ROR2: variants seen among roughly 807,000 people sequenced by gnomAD.
ROR2 encodes tyrosine-protein kinase transmembrane receptor ROR2.
In ROR2, 33 loss-of-function variants were observed where a neutral mutation model predicts 74.9. That is an observed-to-expected ratio of 0.44 (90% confidence interval 0.33 to 0.59). The LOEUF (loss-of-function observed/expected upper bound fraction) is 0.59. ROR2 is among the 20% of genes least tolerant of loss of function. ROR2 has a pLI of 0.02. For synonymous variants in ROR2, 586 were observed against 558.7 expected (o/e 1.05, Z -0.69); for missense variants, 1,216 against 1,313.8 (o/e 0.93, Z 1.15).
At chr9:91,946,553 C>G (rs570813455) in intron 1 of ROR2, among the ~76,000 whole-genome samples, 2 of 152,354 alleles carry the variant, frequency 1.3e-5, no homozygotes, top group East Asian at 3.9e-4. Context: ...ATCAAGGAAC[C>G]ATTTTAGAAG....
At chr9:91,894,970 A>C (rs1028720844) in intron 1 of ROR2, among the ~76,000 whole-genome samples, 2 of 152,244 alleles carry the variant, frequency 1.3e-5, no homozygotes, top group Non-Finnish European at 2.9e-5. Flanking sequence ...AAAAACCTGC[A>C]CAAGGATATT....
chr9:91,733,355 A>T lies in ROR2; in HGVS notation c.704T>A (p.Val235Glu), dbSNP rs1440251391. 2 of 1,612,244 alleles carry T rather than the reference A, an allele frequency of 1.2e-6. No homozygotes were observed. The highest frequency in any genetic ancestry group is 1.7e-6 in the Non-Finnish European group (2 of 1,179,652). Residue 235 changes from valine (V) to glutamate (E), a missense_variant, in exon 6 of 9, where the codon GTG (valine) becomes GAG (glutamate). Val to Glu is a moderately radical substitution (Grantham distance 121). Coordinates refer to ENST00000375708, the MANE Select transcript of ROR2 (RefSeq NM_004560.4). This position sits in a 1 kb window ranked among gnomAD's most constrained non-coding sequence, Gnocchi z 5.7. Reference sequence around the variant, plus strand: ...GGAGCGCGCGTCGCACAGAGGAAACACGAAGTGGCAGAAGGATGGGATGGC... The same window carrying T: ...GGAGCGCGCGTCGCACAGAGGAAACTCGAAGTGGCAGAAGGATGGGATGGC... ...QFAIPSFCHFVFPLCDARSRT... is the reference protein window; with the variant it reads ...QFAIPSFCHFEFPLCDARSRT...
At chr9:91,831,275 A>AC (rs1218692383) in intron 1 of ROR2, among the ~76,000 whole-genome samples, 9 of 151,074 alleles carry the variant, frequency 6.0e-5, no homozygotes, top group African/African-American at 2.2e-4. Flanking sequence ...AAAAACAAAA[A>AC]AAAAAAATTG....
intron 1 of ROR2, among the ~76,000 whole-genome samples, chr9:91,822,928 G>A (rs1197983240): frequency 6.6e-6 from 1 of 152,180 alleles, no homozygotes; most frequent in Non-Finnish European, 1.5e-5. Flanking sequence ...GGCAGAGAAA[G>A]ACAGTAAGGG....
At chr9:91,939,881 C>T (rs2118041169) in intron 1 of ROR2, among the ~76,000 whole-genome samples, 1 of 152,260 alleles carries the variant, frequency 6.6e-6, no homozygotes, top group South Asian at 2.1e-4. Context: ...AAAGAGGGCT[C>T]CAGAATAAAC....
At chr9:91,903,931 T>C (rs1228565950) in intron 1 of ROR2, among the ~76,000 whole-genome samples, 2 of 152,224 alleles carry the variant, frequency 1.3e-5, no homozygotes, top group African/African-American at 4.8e-5. Flanking sequence ...CTGAAATATT[T>C]TTAAAGGAGA....
chr9:91,896,420 C>T (rs1487693604), intron 1 of ROR2, among the ~76,000 whole-genome samples: 2 of 152,344 alleles, frequency 1.3e-5, no homozygotes, highest in Non-Finnish European at 2.9e-5. Context: ...CCTATTTCTC[C>T]TCACAAGGTG....
intron 1 of ROR2, among the ~76,000 whole-genome samples, chr9:91,908,232 G>A (rs1464876410): frequency 6.6e-6 from 1 of 152,194 alleles, no homozygotes; most frequent in African/African-American, 2.4e-5. Flanking sequence ...AGGGCTCCAA[G>A]GGAGACAATG....
At chr9:91,745,316 G>A (rs1825375472) in intron 4 of ROR2, among the ~76,000 whole-genome samples, 1 of 151,626 alleles carries the variant, frequency 6.6e-6, no homozygotes, top group South Asian at 2.1e-4. Flanking sequence ...GTAGAGACGG[G>A]GTTTCTCCAT....
chr9:91,829,560 A>AAAAAAAAAAAAAAAAAAAAAG, intron 1 of ROR2, among the ~76,000 whole-genome samples: 1 of 150,204 alleles, frequency 6.7e-6, no homozygotes, highest in African/African-American at 2.4e-5. Context: ...AAAAAAAAAA[A>AAAAAAAAAAAAAAAAAAAAAG]AAAAAAAAAA....
chr9:91,804,018 G>A (rs951878430), intron 1 of ROR2, among the ~76,000 whole-genome samples: 12 of 152,160 alleles, frequency 7.9e-5, no homozygotes, highest in Admixed American at 6.5e-4. Flanking sequence ...AATTTGCTAT[G>A]ACCCTAAAAT....
intron 1 of ROR2, among the ~76,000 whole-genome samples, chr9:91,886,101 C>G (rs1055276538): frequency 1.3e-5 from 2 of 152,200 alleles, no homozygotes; most frequent in Non-Finnish European, 2.9e-5. Context: ...TCTCGAACTC[C>G]TGACCTCAAC....
chr9:91,724,922 C>T lies in ROR2; in HGVS notation c.1572G>A (p.Glu524=), dbSNP rs138666116. The change falls in exon 9 of 9, where the codon GAG becomes GAA. Residue 524 remains glutamate, a synonymous_variant. Coordinates refer to ENST00000375708, the MANE Select transcript of ROR2 (RefSeq NM_004560.4). ...EGPLREEFRH[E]AMLRARLQHP... is the part of the protein sequence containing the mutation. ...GTTGCAGCCGTGCTCGCAGCATAGC[C>T]TCATGCCGGAACTCCTCCCGCAGGG... The T allele has an allele frequency of 4.4e-5, 71 of 1,612,254 alleles. No homozygotes were observed. In the African/African-American group the frequency reaches 8.5e-4, roughly 19 times the overall value.
intron 2 of ROR2, among the ~76,000 whole-genome samples, chr9:91,775,426 A>G (rs1826385974): frequency 6.6e-6 from 1 of 151,932 alleles, no homozygotes; most frequent in Admixed American, 6.6e-5. Context: ...AGACGTACAC[A>G]CACCTCTGGA....
At chr9:91,736,594 ATGTG>A (rs1177098661) in intron 5 of ROR2, among the ~76,000 whole-genome samples, 1 of 152,148 alleles carries the variant, frequency 6.6e-6, no homozygotes, top group Non-Finnish European at 1.5e-5. Context: ...TGGAGAGAAA[ATGTG>A]TATGTGTTTG....
intron 1 of ROR2, among the ~76,000 whole-genome samples, chr9:91,915,216 G>A (rs1235563260): frequency 6.6e-6 from 1 of 152,178 alleles, no homozygotes; most frequent in African/African-American, 2.4e-5. Context: ...GGACCGTGAA[G>A]GGAACTGAGG....
rs565478303 is a variant in ROR2, at chr9:91,891,399, G to C, written c.97+58468C>G. On this transcript the variant is annotated intron_variant, in intron 1 of 8. Coordinates refer to ENST00000375708, the MANE Select transcript of ROR2 (RefSeq NM_004560.4). ...TTATGCTGCCTCAGCCTCCTGAGTA[G>C]CTGGGATTACAGGCACCCAACACCA... Among the ~76,000 whole-genome samples, 396 of 152,210 alleles carry C rather than the reference G, an allele frequency of 2.6e-3. 3 individuals carry two copies. Among genetic ancestry groups the C allele is most frequent in the African/African-American group, 9.0e-3 (373 of 41,514 alleles).
At chr9:91,767,106 C>T (rs12235606) in intron 2 of ROR2, among the ~76,000 whole-genome samples, 14,218 of 150,834 alleles carry the variant, frequency 0.094, 967 homozygotes, top group East Asian at 0.25. Flanking sequence ...GGCGGAGGCT[C>T]GCTCTGTCGC....
intron 1 of ROR2, among the ~76,000 whole-genome samples, chr9:91,935,586 T>C (rs1300054796): frequency 6.6e-6 from 1 of 152,196 alleles, no homozygotes. Context: ...GTTGGCTTTT[T>C]TGTTTTTGCC....
Sources: allele counts gnomAD v4.1 joint callset (sites outside exome capture counted in the v4.1 genomes callset), GRCh38; gene constraint gnomAD v4.1.1; non-coding constraint Gnocchi (gnomAD v3.1); transcripts MANE v1.5; gene names NCBI Gene and HGNC (gene_info 2026-07-23, HGNC 2026-07-21).